The following PCGF5 variants were observed in gnomAD, a reference collection of about 807,000 sequenced individuals.
PCGF5 encodes polycomb group RING finger protein 5.
A neutral mutation model predicts 44.3 loss-of-function variants in PCGF5; 9 were observed. The ratio of observed to expected loss-of-function variants is 0.20; its 90% confidence interval spans 0.12 to 0.35. The LOEUF (loss-of-function observed/expected upper bound fraction) is 0.35, where lower values mean the gene tolerates loss of function less well. PCGF5 is among the 10% of genes least tolerant of loss of function. The pLI, the probability that PCGF5 is intolerant of heterozygous loss-of-function variation, is 1.00. For missense variants in PCGF5, 146 were observed against 305.3 expected (o/e 0.48, Z 3.89); for synonymous variants, 95 against 102.5 (o/e 0.93, Z 0.44).
the PCGF5 span, among the ~76,000 whole-genome samples, chr10:91,156,789 T>G: frequency 6.6e-6 from 1 of 152,212 alleles, no homozygotes; most frequent in Admixed American, 6.5e-5. Flanking sequence ...TTATCAAGAA[T>G]TATCCATCTC....
At chr10:91,175,823 T>C (rs1035446479) in intron 1 of PCGF5, among the ~76,000 whole-genome samples, 2 of 152,190 alleles carry the variant, frequency 1.3e-5, no homozygotes, top group Non-Finnish European at 2.9e-5. Context: ...TGAGATGGGT[T>C]TCCTGAATAC....
chr10:91,246,794 C>T (rs74832690), intron 3 of PCGF5, among the ~76,000 whole-genome samples: 393 of 151,896 alleles, frequency 2.6e-3, no homozygotes, highest in African/African-American at 9.0e-3. Flanking sequence ...TTAAAAAAAG[C>T]GAGACAATGA....
rs1846421609 is a variant in PCGF5 at position 91,280,277 on chromosome 10, T to C, written c.*1961T>C. 2.6e-5 allele frequency: 4 copies of C among 152,058 alleles called. No homozygotes were observed. In the South Asian group the frequency reaches 8.3e-4, roughly 31 times the overall value. The allele number at this position is 152,058 out of a possible 1,614,324, so 9.4% of individuals were successfully genotyped here. ...AAAATAGTGTTTTGCAAATGGAATT[T>C]TAATTAACTCAAAATGAATTAAGAG... is the stretch of plus-strand genomic sequence containing the variant. On this transcript the variant is annotated 3_prime_UTR_variant, in exon 10 of 10. Transcript: ENST00000336126.
chr10:91,227,296 C>A, intron 2 of PCGF5: 1 of 595,230 alleles, frequency 1.7e-6, no homozygotes, highest in Non-Finnish European at 2.8e-6. Context: ...TGTGCTGAGG[C>A]CTCTCAAATC....
At position 91,281,927 on chromosome 10, in the gene PCGF5, A is replaced by T. The variant is rs1041077361; in HGVS notation, c.*3611A>T. 9 of 152,220 alleles carry T rather than the reference A, an allele frequency of 5.9e-5. No individual in the cohort carries two copies. The highest frequency in any genetic ancestry group is 2.9e-5 in the Non-Finnish European group (2 of 68,026). 9.4% of individuals were successfully genotyped at this position (152,220 alleles called of 1,614,324 possible). A position where few individuals can be genotyped will look rare whatever the true frequency, so the allele number is the denominator to read the frequency against. On this transcript the variant is annotated 3_prime_UTR_variant, in exon 10 of 10. Coordinates refer to ENST00000336126, the MANE Select transcript of PCGF5 (RefSeq NM_032373.5). ...AGCCTTCCTCTGCATGAAAAGTGAG[A>T]GAAATACATACTTTGAAAAGAAAGT...
At chr10:91,206,565 C>T (rs1334435357) in intron 1 of PCGF5, among the ~76,000 whole-genome samples, 1 of 152,128 alleles carries the variant, frequency 6.6e-6, no homozygotes, top group Non-Finnish European at 1.5e-5. Context: ...CTGCATTTCC[C>T]CACAGTGGTC....
intron 1 of PCGF5, among the ~76,000 whole-genome samples, chr10:91,169,164 G>C (rs941764978): frequency 6.6e-6 from 1 of 152,036 alleles, no homozygotes; most frequent in Non-Finnish European, 1.5e-5. Flanking sequence ...TCTGGATACA[G>C]GATACAGGAT....
intron 6 of PCGF5, among the ~76,000 whole-genome samples, chr10:91,257,630 C>A (rs2133399782): frequency 6.6e-6 from 1 of 152,196 alleles, no homozygotes; most frequent in Non-Finnish European, 1.5e-5. Context: ...GGAGGATTCA[C>A]AACCTGGGCA....
At chr10:91,222,326 G>A (rs767475837) in intron 1 of PCGF5, among the ~76,000 whole-genome samples, 4 of 152,214 alleles carry the variant, frequency 2.6e-5, no homozygotes, top group Non-Finnish European at 5.9e-5. Flanking sequence ...GGAACATTTT[G>A]ATAGGGAGGA....
chr10:91,163,439 A>T (rs1466049940), intron 1 of PCGF5, among the ~76,000 whole-genome samples: 3 of 151,864 alleles, frequency 2.0e-5, no homozygotes, highest in African/African-American at 7.2e-5. Flanking sequence ...GGCTGGAGGG[A>T]GACCATGAAA....
chr10:91,282,813 G>A lies in PCGF5; in HGVS notation c.*4497G>A, dbSNP rs906018685. On this transcript the variant is annotated 3_prime_UTR_variant, in exon 10 of 10. Transcript: ENST00000336126. ...CTTTATACTAATAAGATATTGGTTGGTAGTAGGAACTTCAAAAATGAATGA... is the reference window on the plus strand; with the variant it reads ...CTTTATACTAATAAGATATTGGTTGATAGTAGGAACTTCAAAAATGAATGA... The A allele has an allele frequency of 6.6e-6, 1 of 152,548 alleles. No homozygotes were observed. Among genetic ancestry groups the A allele is most frequent in the Non-Finnish European group, 1.5e-5 (1 of 68,026 alleles). The allele number at this position is 152,548 out of a possible 1,614,324, so 9.4% of individuals were successfully genotyped here. A position where few individuals can be genotyped will look rare whatever the true frequency, so the allele number is the denominator to read the frequency against.
intron 1 of PCGF5, among the ~76,000 whole-genome samples, chr10:91,207,162 G>A (rs1479448094): frequency 6.6e-6 from 1 of 152,124 alleles, no homozygotes; most frequent in Non-Finnish European, 1.5e-5. Flanking sequence ...TTTTAAAGAG[G>A]AATTTTTTCA....
intron 2 of PCGF5, among the ~76,000 whole-genome samples, chr10:91,235,062 A>G (rs1158561009): frequency 6.6e-6 from 1 of 152,212 alleles, no homozygotes; most frequent in Non-Finnish European, 1.5e-5. Context: ...TGGGCACCCT[A>G]ACGATGGTAC....
chr10:91,270,853 T>C (rs1846162064), intron 8 of PCGF5, among the ~76,000 whole-genome samples: 1 of 152,060 alleles, frequency 6.6e-6, no homozygotes. Flanking sequence ...TTATGTTTTG[T>C]AGTCCAATTA....
intron 1 of PCGF5, among the ~76,000 whole-genome samples, chr10:91,204,854 C>T (rs1844315584): frequency 6.6e-6 from 1 of 151,988 alleles, no homozygotes; most frequent in African/African-American, 2.4e-5. Flanking sequence ...GTAATAAATG[C>T]CTTTATCTGG....
chr10:91,220,716 G>A lies in PCGF5; in HGVS notation c.-304G>A, dbSNP rs1394614394. 1 of 152,256 alleles carries A rather than the reference G, an allele frequency of 6.6e-6. No homozygotes were observed. Among genetic ancestry groups the A allele is most frequent in the African/African-American group, 2.4e-5 (1 of 41,416 alleles). The allele number at this position is 152,256 out of a possible 1,614,324, so 9.4% of individuals were successfully genotyped here. On this transcript the variant is annotated 5_prime_UTR_variant, in exon 1 of 10. Coordinates refer to ENST00000336126, the MANE Select transcript of PCGF5 (RefSeq NM_032373.5). ...AGCCGGCGCGCTCCCGCCTGCAGGG[G>A]GAGAGCAGACGGGGCGCGGGGACCG...
At chr10:91,221,582 A>G (rs1844680869) in intron 1 of PCGF5, among the ~76,000 whole-genome samples, 1 of 152,222 alleles carries the variant, frequency 6.6e-6, no homozygotes, top group Admixed American at 6.5e-5. Flanking sequence ...TGTTGATGGA[A>G]TGCCTTTTAC....
intron 1 of PCGF5, among the ~76,000 whole-genome samples, chr10:91,195,242 C>G (rs1235123861): frequency 6.6e-6 from 1 of 151,106 alleles, no homozygotes; most frequent in Non-Finnish European, 1.5e-5. Flanking sequence ...CCACCATACA[C>G]CGTTGAAAAA....
At chr10:91,177,513 A>G (rs1843730949) in intron 1 of PCGF5, among the ~76,000 whole-genome samples, 1 of 152,228 alleles carries the variant, frequency 6.6e-6, no homozygotes, top group Non-Finnish European at 1.5e-5. Flanking sequence ...GGTGGAGTCT[A>G]CAGAGGCAGA....
Sources: gnomAD v4.1 joint callset for allele counts (sites outside exome capture counted in the v4.1 genomes callset) on GRCh38, gnomAD v4.1.1 for gene constraint, MANE v1.5 for transcripts, NCBI Gene and HGNC (gene_info 2026-07-23, HGNC 2026-07-21) for gene names.